CDH6: variants seen among roughly 807,000 people sequenced by gnomAD.
CDH6 encodes cadherin-6.
Under a neutral mutation model 78.0 loss-of-function variants are expected in CDH6, and 31 were observed. That is an observed-to-expected ratio of 0.40 (90% CI 0.30 to 0.54). The LOEUF (loss-of-function observed/expected upper bound fraction) is 0.54. Ranked by LOEUF, CDH6 falls within the 20% of genes least tolerant of loss-of-function variation. CDH6 has a pLI of 0.56. For synonymous variants in CDH6, 376 were observed against 368.8 expected (o/e 1.02, Z -0.23); for missense variants, 724 against 975.9 (o/e 0.74, Z 3.44).
chr5:31,202,765 G>A (rs141440976), intron 1 of CDH6, among the ~76,000 whole-genome samples: 33 of 147,894 alleles, frequency 2.2e-4, no homozygotes, highest in Admixed American at 1.5e-3. Flanking sequence ...ACATATACAC[G>A]CATATATGTA....
At chr5:31,286,407 C>A (rs1200948812) in intron 2 of CDH6, among the ~76,000 whole-genome samples, 1 of 152,130 alleles carries the variant, frequency 6.6e-6, no homozygotes, top group African/African-American at 2.4e-5. Context: ...AGACCTGGCA[C>A]AAGAGTTGGC....
At chr5:31,283,817 T>C (rs570054624) in intron 2 of CDH6, among the ~76,000 whole-genome samples, 4,955 of 138,254 alleles carry the variant, frequency 0.036, 113 homozygotes, top group Non-Finnish European at 0.058. Context: ...GATTCTCTCT[T>C]TTTTTTATTT....
chr5:31,312,944 A>AACACAC (rs1738197581), intron 7 of CDH6, among the ~76,000 whole-genome samples: 2 of 38,434 alleles, frequency 5.2e-5, no homozygotes, highest in Non-Finnish European at 1.7e-4. Flanking sequence ...TATGCATACA[A>AACACAC]GCACACACAC....
intron 1 of CDH6, among the ~76,000 whole-genome samples, chr5:31,224,905 C>T (rs1477753158): frequency 6.6e-6 from 1 of 152,162 alleles, no homozygotes; most frequent in Non-Finnish European, 1.5e-5. Context: ...ATATTTCAGC[C>T]AAGTTTTCTG....
At chr5:31,225,057 G>A (rs1741111520) in intron 1 of CDH6, among the ~76,000 whole-genome samples, 1 of 152,062 alleles carries the variant, frequency 6.6e-6, no homozygotes, top group African/African-American at 2.4e-5. Context: ...TAGAAGCCAG[G>A]GATGCCACTA....
intron 1 of CDH6, among the ~76,000 whole-genome samples, chr5:31,205,237 C>T (rs944822642): frequency 6.6e-6 from 1 of 152,230 alleles, no homozygotes; most frequent in African/African-American, 2.4e-5. Flanking sequence ...CCTGTTCAAG[C>T]TCATGCTTGC....
At chr5:31,238,109 G>A (rs2111868900) in intron 1 of CDH6, among the ~76,000 whole-genome samples, 1 of 152,260 alleles carries the variant, frequency 6.6e-6, no homozygotes, top group Admixed American at 6.5e-5. Context: ...TCTTTGTTCA[G>A]ATATTCTTGC....
intron 1 of CDH6, among the ~76,000 whole-genome samples, chr5:31,202,969 C>G (rs1403447125): frequency 6.6e-6 from 1 of 151,842 alleles, no homozygotes; most frequent in Non-Finnish European, 1.5e-5. Flanking sequence ...GTCTAATTAC[C>G]AATGCAAAAT....
At position 31,325,169 on chromosome 5, in the gene CDH6, G is replaced by C. The variant is rs1396990954; in HGVS notation, c.*1861G>C. 1 of 228,174 alleles carries C rather than the reference G, an allele frequency of 4.4e-6. No individual in the cohort carries two copies. Among genetic ancestry groups the C allele is most frequent in the African/African-American group, 2.2e-5 (1 of 45,064 alleles). 14.1% of individuals were successfully genotyped at this position (228,174 alleles called of 1,614,324 possible). ...TGTAGTATTTTGGGTTACCTGATTA[G>C]AGTGAAAATTTTTTACAATCATATT... On this transcript the variant is annotated 3_prime_UTR_variant, in exon 12 of 12. Transcript: ENST00000265071.
At chr5:31,264,952 G>A (rs1406392752) in intron 1 of CDH6, among the ~76,000 whole-genome samples, 1 of 152,180 alleles carries the variant, frequency 6.6e-6, no homozygotes, top group Non-Finnish European at 1.5e-5. Flanking sequence ...CACAGGGATC[G>A]ATTTTTCTCT....
At chr5:31,203,201 CGAGA>C (rs61085036) in intron 1 of CDH6, among the ~76,000 whole-genome samples, 17 of 146,366 alleles carry the variant, frequency 1.2e-4, no homozygotes, top group African/African-American at 3.3e-4. Flanking sequence ...TTTTATAAAG[CGAGA>C]GAGAGAGAGA....
intron 1 of CDH6, among the ~76,000 whole-genome samples, chr5:31,211,773 A>G (rs1412332528): frequency 6.6e-6 from 1 of 152,168 alleles, no homozygotes; most frequent in Non-Finnish European, 1.5e-5. Context: ...TCTTGTTTGT[A>G]TTCCCTGAGA....
intron 2 of CDH6, among the ~76,000 whole-genome samples, chr5:31,290,941 C>T (rs768156173): frequency 1.6e-4 from 24 of 152,212 alleles, no homozygotes; most frequent in Admixed American, 5.9e-4. Context: ...TCTTCTTTAA[C>T]GTCTCCTCTG....
In CDH6 at chr5:31,326,681, A is replaced by AATTTTT; in HGVS notation, c.*3373_*3374insATTTTT. The AATTTTT allele has an allele frequency of 8.3e-6, 1 of 120,394 alleles. No individual in the cohort carries two copies. The highest frequency in any genetic ancestry group is 1.7e-5 in the Non-Finnish European group (1 of 60,126). 7.5% of individuals were successfully genotyped at this position (120,394 alleles called of 1,614,324 possible). On this transcript the variant is annotated 3_prime_UTR_variant, in exon 12 of 12. Transcript: ENST00000265071. ...AAAGAGTTGTGCAGAAAATCTTAAA[A>AATTTTT]TTTTTTTTTTTTTTTTTTTTTTTTT...
intron 11 of CDH6, among the ~76,000 whole-genome samples, chr5:31,319,411 C>T (rs751558037): frequency 6.6e-6 from 1 of 152,178 alleles, no homozygotes; most frequent in Non-Finnish European, 1.5e-5. Context: ...CACCATAGGT[C>T]AGATGCTGTG....
chr5:31,270,729 C>T (rs1179170005), intron 2 of CDH6, among the ~76,000 whole-genome samples: 1 of 151,732 alleles, frequency 6.6e-6, no homozygotes, highest in Non-Finnish European at 1.5e-5. Context: ...TGGGGTCTTG[C>T]TCTGTCACCC....
chr5:31,194,336 C>T (rs1172971447), intron 1 of CDH6, among the ~76,000 whole-genome samples: 1 of 152,228 alleles, frequency 6.6e-6, no homozygotes, highest in Admixed American at 6.5e-5. Flanking sequence ...TTATCTCCAC[C>T]TGCCCGCATC....
At chr5:31,246,660 C>G (rs1741754922) in intron 1 of CDH6, among the ~76,000 whole-genome samples, 1 of 152,214 alleles carries the variant, frequency 6.6e-6, no homozygotes, top group South Asian at 2.1e-4. Flanking sequence ...GGCAATAAAA[C>G]AATTTAGAAT....
chr5:31,240,478 C>CCACA (rs1167394932), intron 1 of CDH6, among the ~76,000 whole-genome samples: 1 of 152,048 alleles, frequency 6.6e-6, no homozygotes, highest in Admixed American at 6.6e-5. Flanking sequence ...GTGTTGCAGG[C>CCACA]CACAATCAGA....
Sources: allele counts gnomAD v4.1 joint callset (sites outside exome capture counted in the v4.1 genomes callset), GRCh38; gene constraint gnomAD v4.1.1; transcripts MANE v1.5; gene names NCBI Gene and HGNC (gene_info 2026-07-23, HGNC 2026-07-21).